The following BRI3BP variants were observed in gnomAD, a reference collection of about 807,000 sequenced individuals.
The protein encoded by BRI3BP is BRI3 binding protein, also known as BRI3-binding protein.
A neutral mutation model predicts 15.8 loss-of-function variants in BRI3BP; 7 were observed. That is an observed-to-expected ratio of 0.44 (90% confidence interval 0.25 to 0.83). The LOEUF (loss-of-function observed/expected upper bound fraction) is 0.83, where lower values mean the gene tolerates loss of function less well. Among genes scored for constraint, BRI3BP ranks in the 40% least tolerant of loss-of-function variants. The pLI, the probability that BRI3BP is intolerant of heterozygous loss-of-function variation, is 0.20. For synonymous variants in BRI3BP, 192 were observed against 163.5 expected, an observed-to-expected ratio of 1.17 and a Z score of -1.33; for missense variants, 320 against 339.3, an observed-to-expected ratio of 0.94 and a Z score of 0.45.
intron 2 of BRI3BP, among the ~76,000 whole-genome samples, chr12:125,012,967 C>T (rs558601007): frequency 1.2e-4 from 18 of 152,186 alleles, no homozygotes; most frequent in African/African-American, 3.9e-4. Context: ...CCTGTAGTCC[C>T]CATCCACTTG....
At chr12:124,999,872 G>T (rs150835062) in intron 1 of BRI3BP, among the ~76,000 whole-genome samples, 1 of 202 alleles carries the variant, frequency 5.0e-3, no homozygotes. Flanking sequence ...CGCCCGCCTC[G>T]GCCTCCCAAA....
intron 1 of BRI3BP, among the ~76,000 whole-genome samples, chr12:125,003,764 C>G (rs1955116637): frequency 6.6e-6 from 1 of 151,942 alleles, no homozygotes; most frequent in African/African-American, 2.4e-5. Flanking sequence ...ACTAGCCTGG[C>G]CAACATAGTG....
In BRI3BP at chr12:125,025,776, T is replaced by A. The variant is rs988628640; in HGVS notation, c.*346T>A. ...ATTTAAATACATCTTTTGTAAGGTT[T>A]TTTAATAAAGGCAGATTGAGTCAAG... On this transcript the variant is annotated 3_prime_UTR_variant, in exon 3 of 3. Transcript: ENST00000341446. The A allele has an allele frequency of 1.5e-5, 3 of 194,824 alleles. No homozygotes were observed. The highest frequency in any genetic ancestry group is 3.1e-5 in the Non-Finnish European group (3 of 96,888). The allele number at this position is 194,824 out of a possible 1,614,324, so 12.1% of individuals were successfully genotyped here.
At chr12:125,003,840 C>T (rs985835523) in intron 1 of BRI3BP, among the ~76,000 whole-genome samples, 1 of 152,028 alleles carries the variant, frequency 6.6e-6, no homozygotes, top group Non-Finnish European at 1.5e-5. Flanking sequence ...ATAATCCCAG[C>T]TACTCAGGAG....
chr12:125,012,782 T>G, intron 2 of BRI3BP, 146 bp downstream of exon 2: 1 of 625,812 alleles, frequency 1.6e-6, no homozygotes, highest in Non-Finnish European at 2.9e-6. Flanking sequence ...TTTATTTTAA[T>G]AGTCTCATAT....
chr12:125,005,126 G>T (rs1377817798), intron 1 of BRI3BP, among the ~76,000 whole-genome samples: 1 of 152,140 alleles, frequency 6.6e-6, no homozygotes, highest in East Asian at 1.9e-4. Flanking sequence ...GGGATTACAG[G>T]TGTGAGCCAC....
the BRI3BP span, among the ~76,000 whole-genome samples, chr12:125,037,936 G>T: frequency 6.6e-6 from 1 of 152,098 alleles, no homozygotes; most frequent in Non-Finnish European, 1.5e-5. Context: ...TTCTAAAAGT[G>T]CTGGTTTCTA....
chr12:125,030,619 C>T lies in BRI3BP; in HGVS notation c.*5189C>T, dbSNP rs1333676219. 1 of 152,142 alleles carries T rather than the reference C, an allele frequency of 6.6e-6. No individual in the cohort carries two copies. Among genetic ancestry groups the T allele is most frequent in the East Asian group, 1.9e-4 (1 of 5,198 alleles). The allele number at this position is 152,142 out of a possible 1,614,324, so 9.4% of individuals were successfully genotyped here. A position where few individuals can be genotyped will look rare whatever the true frequency, so the allele number is the denominator to read the frequency against. ...ATTGTCTACTGAAAAGCTGTGGCAG[C>T]GAGTGGTATTATTGACCATGTGTTC... On this transcript the variant is annotated 3_prime_UTR_variant, in exon 3 of 3. Coordinates refer to ENST00000341446, the MANE Select transcript of BRI3BP (RefSeq NM_080626.6).
intron 2 of BRI3BP, among the ~76,000 whole-genome samples, chr12:125,022,692 A>G (rs1017182338): frequency 6.6e-6 from 1 of 151,818 alleles, no homozygotes; most frequent in Non-Finnish European, 1.5e-5. Flanking sequence ...ACGCCCAGCT[A>G]ATTTTTATAT....
Position 125,029,369 on chromosome 12 carries a change from A to C in BRI3BP, c.*3939A>C, listed in dbSNP as rs1013605540. On this transcript the variant is annotated 3_prime_UTR_variant, in exon 3 of 3. Coordinates refer to ENST00000341446, the MANE Select transcript of BRI3BP (RefSeq NM_080626.6). ...TCTCTACCAAAAAATACAAAAAAAAAAAAAAAAAAAAAAATAGCCAGGTGT... is the reference window on the plus strand; with the variant it reads ...TCTCTACCAAAAAATACAAAAAAAACAAAAAAAAAAAAAATAGCCAGGTGT... 3.4e-5 allele frequency: 5 copies of C among 147,912 alleles called. No homozygotes were observed. Among genetic ancestry groups the C allele is most frequent in the Non-Finnish European group, 7.5e-5 (5 of 66,350 alleles). 9.2% of individuals were successfully genotyped at this position (147,912 alleles called of 1,614,324 possible).
chr12:125,025,184 C>T lies in BRI3BP; in HGVS notation c.510C>T (p.Cys170=), dbSNP rs761870463. 2.0e-5 allele frequency: 32 copies of T among 1,614,012 alleles called. No homozygotes were observed. In the South Asian group the frequency reaches 2.6e-4, roughly 13 times the overall value. The change falls in exon 3 of 3, where the codon TGC becomes TGT. Residue 170 remains cysteine, a synonymous_variant. Transcript: ENST00000341446. The stretch of plus-strand genomic sequence containing the variant: ...GGGTCGTCCTGTTTTCCATGTCCTG[C>T]GTGTACATCCTGCACAAGTACGAGG... The part of the protein sequence containing the change: ...IVRVVLFSMS[C]VYILHKYEGE...
chr12:125,016,761 C>T (rs1199582668), intron 2 of BRI3BP, among the ~76,000 whole-genome samples: 1 of 149,862 alleles, frequency 6.7e-6, no homozygotes. Flanking sequence ...CTCCTGACCT[C>T]GTGATCCGCC....
intron 2 of BRI3BP, among the ~76,000 whole-genome samples, chr12:125,018,621 T>C (rs887866248): frequency 6.6e-6 from 1 of 151,876 alleles, no homozygotes; most frequent in Non-Finnish European, 1.5e-5. Context: ...GCTGACACGC[T>C]GTTCACAGAC....
chr12:125,050,349 CAAAA>C, the BRI3BP span, among the ~76,000 whole-genome samples: 1 of 86,758 alleles, frequency 1.2e-5, no homozygotes, highest in African/African-American at 4.3e-5. Context: ...GACTCCGTCT[CAAAA>C]AAAAAAAAAG....
chr12:125,027,696 CTTTT>C lies in BRI3BP; in HGVS notation c.*2274_*2277del. 6.8e-6 allele frequency: 1 copy of C among 146,522 alleles called. No homozygotes were observed. Among genetic ancestry groups the C allele is most frequent in the African/African-American group, 2.5e-5 (1 of 40,326 alleles). 9.1% of individuals were successfully genotyped at this position (146,522 alleles called of 1,614,324 possible). On this transcript the variant is annotated 3_prime_UTR_variant, in exon 3 of 3. Transcript: ENST00000341446. ...AAAAAAATTATTTGCTGGATCGAAT[CTTTT>C]TTTTTTTGAGATGGAGTCTCACTGT... is the stretch of plus-strand genomic sequence containing the variant.
intron 1 of BRI3BP, among the ~76,000 whole-genome samples, chr12:125,001,766 T>A (rs575982035): frequency 1.3e-4 from 20 of 151,996 alleles, no homozygotes; most frequent in South Asian, 4.2e-4. Context: ...TACCATACAG[T>A]TTATTCATTG....
chr12:125,009,431 A>T (rs1310531595), intron 1 of BRI3BP, among the ~76,000 whole-genome samples: 2 of 151,700 alleles, frequency 1.3e-5, no homozygotes, highest in African/African-American at 4.8e-5. Context: ...CTGGGATTAC[A>T]GGCGTGCACC....
Position 125,026,253 on chromosome 12 carries a change from T to C in BRI3BP, c.*823T>C, listed in dbSNP as rs1757348464. On this transcript the variant is annotated 3_prime_UTR_variant, in exon 3 of 3. Coordinates refer to ENST00000341446, the MANE Select transcript of BRI3BP (RefSeq NM_080626.6). ...GTAAGGATTGGAGATTGCTCCAGAA[T>C]CTACTGCATGTCCCAATTTGCAGTT... 1 of 151,890 alleles carries C rather than the reference T, an allele frequency of 6.6e-6. No homozygotes were observed. Among genetic ancestry groups the C allele is most frequent in the Non-Finnish European group, 1.5e-5 (1 of 68,018 alleles). The allele number at this position is 151,890 out of a possible 1,614,324, so 9.4% of individuals were successfully genotyped here.
At chr12:125,041,709 T>C in the BRI3BP span, among the ~76,000 whole-genome samples, 1 of 152,208 alleles carries the variant, frequency 6.6e-6, no homozygotes, top group Admixed American at 6.5e-5. Flanking sequence ...AGTACGTATC[T>C]TTTTGTTTTG....
Sources: allele counts gnomAD v4.1 joint callset (sites outside exome capture counted in the v4.1 genomes callset), GRCh38; gene constraint gnomAD v4.1.1; transcripts MANE v1.5; gene names NCBI Gene and HGNC (gene_info 2026-07-23, HGNC 2026-07-21).